LPIN2: variants seen among roughly 807,000 people sequenced by gnomAD.
LPIN2 encodes lipin 2, also known as phosphatidate phosphatase LPIN2.
In LPIN2, 55 loss-of-function variants were observed where a neutral mutation model predicts 111.4. The ratio of observed to expected loss-of-function variants is 0.49; its 90% confidence interval spans 0.40 to 0.62. The LOEUF is 0.62. LPIN2 is among the 20% of genes least tolerant of loss of function. The probability of loss-of-function intolerance (pLI) is 0.00; values close to 1 mark genes in which losing one functional copy is unlikely to be tolerated. For missense variants in LPIN2, 992 were observed against 1,112.1 expected (o/e 0.89, Z 1.54); for synonymous variants, 425 against 414.0 (o/e 1.03, Z -0.32).
chr18:2,974,313 C>T (rs925898163), intron 1 of LPIN2, among the ~76,000 whole-genome samples: 1 of 152,136 alleles, frequency 6.6e-6, no homozygotes, highest in Non-Finnish European at 1.5e-5. Flanking sequence ...CTCCTGACCT[C>T]GCGATCCGCC....
At chr18:2,987,091 C>T (rs574306886) in intron 1 of LPIN2, among the ~76,000 whole-genome samples, 3 of 152,224 alleles carry the variant, frequency 2.0e-5, no homozygotes, top group East Asian at 1.9e-4. Context: ...CTTAGGTATA[C>T]GATTTTCTGT....
At chr18:2,940,787 G>C (rs771144948) in intron 4 of LPIN2, 75 bp from the exon 5 acceptor site, 1 of 823,060 alleles carries the variant, frequency 1.2e-6, no homozygotes, top group Non-Finnish European at 2.1e-6. Context: ...CAAACCTACT[G>C]ATACTACAAA....
chr18:2,943,470 G>A (rs1395499711), intron 4 of LPIN2, among the ~76,000 whole-genome samples: 3 of 150,158 alleles, frequency 2.0e-5, no homozygotes, highest in African/African-American at 7.3e-5. Flanking sequence ...ATAAATCAAT[G>A]TTTTGATCAA....
chr18:2,981,470 C>T (rs1301674134), intron 1 of LPIN2, among the ~76,000 whole-genome samples: 2 of 152,208 alleles, frequency 1.3e-5, no homozygotes, highest in African/African-American at 4.8e-5. Context: ...TTCTGGAAAA[C>T]ACCAGCAGAC....
chr18:2,946,702 AATT>A (rs2077457477), intron 4 of LPIN2: 1 of 606,922 alleles, frequency 1.6e-6, no homozygotes, highest in African/African-American at 1.9e-5. Context: ...ATGTGGGATA[AATT>A]ATAGGTGCAA....
At chr18:2,997,658 T>C (rs1567861784) in intron 1 of LPIN2, among the ~76,000 whole-genome samples, 2 of 152,192 alleles carry the variant, frequency 1.3e-5, no homozygotes, top group African/African-American at 4.8e-5. Flanking sequence ...ATGACTCCTG[T>C]GGGGGGAGAG....
chr18:2,926,687 G>A, intron 13 of LPIN2, 36 bp downstream of exon 13: 1 of 1,588,126 alleles, frequency 6.3e-7, no homozygotes, highest in East Asian at 2.2e-5. Context: ...TAGAGGGCCT[G>A]AGTGCTATGA....
chr18:2,977,276 T>C (rs1157949789), intron 1 of LPIN2: 1 of 151,838 alleles, frequency 6.6e-6, no homozygotes, highest in East Asian at 1.9e-4. Flanking sequence ...AACCCTGTGG[T>C]GCTGGACTGG....
At chr18:2,995,018 T>C (rs1258885037) in intron 1 of LPIN2, among the ~76,000 whole-genome samples, 10 of 152,260 alleles carry the variant, frequency 6.6e-5, no homozygotes, top group African/African-American at 2.4e-4. Flanking sequence ...CCTTCTTCAG[T>C]TTCAGGTCAA....
intron 1 of LPIN2, among the ~76,000 whole-genome samples, chr18:3,009,461 CAG>C (rs1361361090): frequency 2.6e-5 from 4 of 151,846 alleles, no homozygotes; most frequent in African/African-American, 7.3e-5. Context: ...TTTTTTGAGA[CAG>C]AGTCTCGCTC....
chr18:2,924,061 G>A (rs1285406237), intron 15 of LPIN2, among the ~76,000 whole-genome samples, 200 bp from the exon 16 acceptor site: 2 of 152,298 alleles, frequency 1.3e-5, no homozygotes, highest in South Asian at 2.1e-4. Context: ...GGAGTCTCAC[G>A]AGCGCCAGAT....
rs1043520717 is a variant in LPIN2 at position 2,917,757 on chromosome 18, C to T, written c.*2536G>A. On this transcript the variant is annotated 3_prime_UTR_variant, in exon 20 of 20. Coordinates refer to ENST00000677752, the MANE Select transcript of LPIN2 (RefSeq NM_001375808.2). The stretch of plus-strand genomic sequence containing the variant: ...AACTCACACGGGACGAGCTTCAGCA[C>T]ACAGACAGCAAAGCAAATACGAGAC... 2 of 152,274 alleles carry T rather than the reference C, an allele frequency of 1.3e-5. No individual in the cohort carries two copies. The highest frequency in any genetic ancestry group is 2.4e-5 in the African/African-American group (1 of 41,398). 9.4% of individuals were successfully genotyped at this position (152,274 alleles called of 1,614,324 possible). A position where few individuals can be genotyped will look rare whatever the true frequency, so the allele number is the denominator to read the frequency against.
At chr18:3,005,427 C>G (rs1567866586) in intron 1 of LPIN2, among the ~76,000 whole-genome samples, 1 of 152,120 alleles carries the variant, frequency 6.6e-6, no homozygotes, top group South Asian at 2.1e-4. Flanking sequence ...GTAACCCCCT[C>G]AGCACTTTGG....
intron 3 of LPIN2, 79 bp downstream of exon 3, chr18:2,954,425 C>A: frequency 1.0e-6 from 1 of 957,590 alleles, no homozygotes; most frequent in Non-Finnish European, 1.7e-6. Flanking sequence ...CCATAAAAAA[C>A]TGCTAAACGG....
At chr18:2,994,155 T>C (rs932917126) in intron 1 of LPIN2, among the ~76,000 whole-genome samples, 2 of 152,230 alleles carry the variant, frequency 1.3e-5, no homozygotes, top group South Asian at 4.1e-4. Context: ...GTGCCTGTAA[T>C]ATCTCAGGTA....
At chr18:2,939,396 A>AGGAGAGC in intron 6 of LPIN2, 84 bp downstream of exon 6, 1 of 1,545,394 alleles carries the variant, frequency 6.5e-7, no homozygotes, top group Non-Finnish European at 8.9e-7. Context: ...TCAGTCAGAA[A>AGGAGAGC]TTGCCTCCTT....
chr18:2,950,129 AT>A, intron 4 of LPIN2: 1 of 152,180 alleles, frequency 6.6e-6, no homozygotes, highest in Non-Finnish European at 1.5e-5. Context: ...AACAAAGCAT[AT>A]TTTTTTCCTG....
At position 2,924,390 on chromosome 18, in the gene LPIN2, G is replaced by T; in HGVS notation, c.2087+8C>A. 6.2e-7 allele frequency: 1 copy of T among 1,614,066 alleles called. No individual in the cohort carries two copies. The highest frequency in any genetic ancestry group is 8.5e-7 in the Non-Finnish European group (1 of 1,179,998). On this transcript the variant is annotated splice_region_variant and intron_variant, in intron 15 of 19. Coordinates refer to ENST00000677752, the MANE Select transcript of LPIN2 (RefSeq NM_001375808.2). ...TTCCTTGCCACCCACCTGAAGGATT[G>T]AGCTTACTTGGTTATTGTCCCATCA...
intron 1 of LPIN2, among the ~76,000 whole-genome samples, chr18:3,007,323 C>T (rs1414487602): frequency 1.4e-4 from 21 of 152,146 alleles, no homozygotes. Context: ...AGGTGCCCCC[C>T]ACCACGTCTG....
Sources: gnomAD v4.1 joint callset for allele counts (sites outside exome capture counted in the v4.1 genomes callset) on GRCh38, gnomAD v4.1.1 for gene constraint, MANE v1.5 for transcripts, NCBI Gene and HGNC (gene_info 2026-07-23, HGNC 2026-07-21) for gene names.